LRRC8C: variants seen among roughly 807,000 people sequenced by gnomAD.
LRRC8C encodes leucine rich repeat containing 8 VRAC subunit C, also known as volume-regulated anion channel subunit LRRC8C.
Under a neutral mutation model 55.3 loss-of-function variants are expected in LRRC8C, and 20 were observed. The observed-to-expected ratio is 0.36, with a 90% CI of 0.25 to 0.53. The LOEUF (loss-of-function observed/expected upper bound fraction) is 0.53. Among genes scored for constraint, LRRC8C ranks in the 20% least tolerant of loss-of-function variants. LRRC8C has a pLI of 0.92. For synonymous variants in LRRC8C, 376 were observed against 360.7 expected, an observed-to-expected ratio of 1.04 and a Z score of -0.48; for missense variants, 659 against 951.4, an observed-to-expected ratio of 0.69 and a Z score of 4.04.
chr1:89,658,958 A>G (rs1273841054), intron 1 of LRRC8C, among the ~76,000 whole-genome samples: 1 of 152,042 alleles, frequency 6.6e-6, no homozygotes, highest in Non-Finnish European at 1.5e-5. Context: ...GAGTATGTGT[A>G]TATTACACTC....
chr1:89,631,132 C>G (rs1240089520), upstream of LRRC8C, among the ~76,000 whole-genome samples: 1 of 152,142 alleles, frequency 6.6e-6, no homozygotes, highest in African/African-American at 2.4e-5. Flanking sequence ...AATAGTAGCT[C>G]TCATTTACTG....
At chr1:89,701,771 G>A (rs762781652) in intron 2 of LRRC8C, among the ~76,000 whole-genome samples, 6 of 152,162 alleles carry the variant, frequency 3.9e-5, no homozygotes, top group African/African-American at 1.4e-4. Flanking sequence ...GTATAGTCAT[G>A]ATAGATATAA....
chr1:89,687,272 T>G (rs1240902780), intron 2 of LRRC8C, among the ~76,000 whole-genome samples: 2 of 152,198 alleles, frequency 1.3e-5, no homozygotes, highest in Non-Finnish European at 2.9e-5. Context: ...ACTAAGGGAA[T>G]GCTGAAGAGA....
chr1:89,661,325 C>A (rs763332078), intron 1 of LRRC8C: 3 of 356,890 alleles, frequency 8.4e-6, no homozygotes, highest in Non-Finnish European at 1.7e-5. Flanking sequence ...TCTTTCTGTC[C>A]CAACTAACAT....
chr1:89,652,898 A>T (rs571369332), intron 1 of LRRC8C, among the ~76,000 whole-genome samples: 1 of 152,170 alleles, frequency 6.6e-6, no homozygotes, highest in Non-Finnish European at 1.5e-5. Context: ...GGAGACACAG[A>T]TATCTATGGA....
intron 1 of LRRC8C, chr1:89,668,409 C>T (rs1306205569): frequency 6.6e-6 from 1 of 152,198 alleles, no homozygotes; most frequent in South Asian, 2.1e-4. Flanking sequence ...ACCCTAGTGA[C>T]TCCTTCATGG....
chr1:89,630,737 C>T (rs1656085367), upstream of LRRC8C, among the ~76,000 whole-genome samples: 1 of 152,208 alleles, frequency 6.6e-6, no homozygotes, highest in Admixed American at 6.5e-5. Flanking sequence ...TTCTTTAAGA[C>T]CCTCACTCAA....
At chr1:89,646,891 A>G (rs1179881607) in intron 1 of LRRC8C, among the ~76,000 whole-genome samples, 1 of 152,200 alleles carries the variant, frequency 6.6e-6, no homozygotes, top group Non-Finnish European at 1.5e-5. Flanking sequence ...TAAGTGCCAC[A>G]CTAACTTGTA....
At chr1:89,705,702 C>T (rs1259830780) in intron 2 of LRRC8C, among the ~76,000 whole-genome samples, 2 of 151,962 alleles carry the variant, frequency 1.3e-5, no homozygotes, top group African/African-American at 4.8e-5. Flanking sequence ...AATTCTTTAA[C>T]CCGGGAGGTG....
intron 1 of LRRC8C, among the ~76,000 whole-genome samples, chr1:89,670,265 G>A (rs1228617099): frequency 6.6e-6 from 1 of 152,144 alleles, no homozygotes; most frequent in Non-Finnish European, 1.5e-5. Flanking sequence ...CGTGATGTGA[G>A]AGACCCTAGT....
chr1:89,716,387 G>A lies in LRRC8C; in HGVS notation c.*1405G>A, dbSNP rs1658819184. ...CTGTGAACTAGTGCTACAAGCACGG[G>A]AAATCCATCTGCTCTCTGGCTTAAA... On this transcript the variant is annotated 3_prime_UTR_variant, in exon 3 of 3. Coordinates refer to ENST00000370454, the MANE Select transcript of LRRC8C (RefSeq NM_032270.5). The A allele has an allele frequency of 6.6e-6, 1 of 152,306 alleles. No homozygotes were observed. Among genetic ancestry groups the A allele is most frequent in the Non-Finnish European group, 1.5e-5 (1 of 68,020 alleles). 9.4% of individuals were successfully genotyped at this position (152,306 alleles called of 1,614,324 possible). A position where few individuals can be genotyped will look rare whatever the true frequency, so the allele number is the denominator to read the frequency against.
intron 1 of LRRC8C, among the ~76,000 whole-genome samples, chr1:89,638,895 A>G (rs72712558): frequency 0.011 from 1,697 of 152,060 alleles, 9 homozygotes; most frequent in Non-Finnish European, 0.019. Context: ...TGACTAATCA[A>G]TTGTATGAGT....
chr1:89,678,381 C>A (rs1657604776), intron 1 of LRRC8C, among the ~76,000 whole-genome samples: 1 of 152,176 alleles, frequency 6.6e-6, no homozygotes, highest in Non-Finnish European at 1.5e-5. Flanking sequence ...AACTTGCATT[C>A]TTGTGGAAGT....
chr1:89,661,991 A>G (rs969529630), intron 1 of LRRC8C, among the ~76,000 whole-genome samples: 1 of 152,208 alleles, frequency 6.6e-6, no homozygotes, highest in African/African-American at 2.4e-5. Context: ...TGAGAATTCC[A>G]GACAGAGCTG....
Position 89,703,640 on chromosome 1 carries a change from G to C in LRRC8C, c.139-9069G>C, listed in dbSNP as rs539237061. On this transcript the variant is annotated intron_variant, in intron 2 of 2. Transcript: ENST00000370454. ...CAGTGGGTAGTTACAACATATTCTT[G>C]GAAGTGGTGTGGAGATACTAAAAAT... Among the ~76,000 whole-genome samples the C allele has an allele frequency of 1.8e-4, 27 of 151,732 alleles. 1 individual carries two copies. Among genetic ancestry groups the C allele is most frequent in the African/African-American group, 6.5e-4 (27 of 41,348 alleles).
upstream of LRRC8C, among the ~76,000 whole-genome samples, chr1:89,628,478 C>A (rs941162981): frequency 6.6e-6 from 1 of 152,176 alleles, no homozygotes; most frequent in Admixed American, 6.5e-5. Context: ...TAACCTGTAA[C>A]TTCTGGGCCC....
intron 2 of LRRC8C, among the ~76,000 whole-genome samples, chr1:89,703,047 C>T (rs887905365): frequency 6.6e-6 from 1 of 152,020 alleles, no homozygotes; most frequent in Non-Finnish European, 1.5e-5. Flanking sequence ...AAGGATGGAG[C>T]AATATTTGAA....
At chr1:89,633,798 G>A (rs1404305031) in intron 1 of LRRC8C, among the ~76,000 whole-genome samples, 5 of 152,192 alleles carry the variant, frequency 3.3e-5, no homozygotes, top group Non-Finnish European at 7.3e-5. Flanking sequence ...GAAAGGAATT[G>A]GAAGGTTTCT....
chr1:89,680,033 T>C (rs554680206), intron 1 of LRRC8C, among the ~76,000 whole-genome samples: 50 of 151,882 alleles, frequency 3.3e-4, no homozygotes, highest in African/African-American at 1.2e-3. Flanking sequence ...AAGAGCCATA[T>C]AAATAAAATA....
Sources: gnomAD v4.1 joint callset for allele counts (sites outside exome capture counted in the v4.1 genomes callset) on GRCh38, gnomAD v4.1.1 for gene constraint, MANE v1.5 for transcripts, NCBI Gene and HGNC (gene_info 2026-07-23, HGNC 2026-07-21) for gene names.